The following CRISPLD2 variants were observed in gnomAD, a reference collection of about 807,000 sequenced individuals.
CRISPLD2 encodes cysteine-rich secretory protein LCCL domain-containing 2.
In CRISPLD2, 47 loss-of-function variants were observed where a neutral mutation model predicts 71.1. That is an observed-to-expected ratio of 0.66 (90% CI 0.52 to 0.84). The LOEUF (loss-of-function observed/expected upper bound fraction) is 0.84. Ranked by LOEUF, CRISPLD2 falls within the 40% of genes least tolerant of loss-of-function variation. The pLI, the probability that CRISPLD2 is intolerant of heterozygous loss-of-function variation, is 0.00. For synonymous variants in CRISPLD2, 317 were observed against 250.1 expected, an observed-to-expected ratio of 1.27 and a Z score of -2.52; for missense variants, 830 against 651.1, an observed-to-expected ratio of 1.27 and a Z score of -2.99.
intron 6 of CRISPLD2, among the ~76,000 whole-genome samples, chr16:84,855,606 TC>T (rs1225970879): frequency 6.6e-6 from 1 of 152,162 alleles, no homozygotes; most frequent in East Asian, 1.9e-4. Flanking sequence ...AATGTTAATC[TC>T]CTTTGGCAAC....
chr16:84,873,859 T>C, intron 10 of CRISPLD2, 61 bp from the exon 11 acceptor site: 1 of 1,470,922 alleles, frequency 6.8e-7, no homozygotes, highest in Non-Finnish European at 9.3e-7. Context: ...CGTTCACTTT[T>C]AGAAGCAATT....
chr16:84,854,931 C>A, intron 6 of CRISPLD2, 102 bp downstream of exon 6: 2 of 911,624 alleles, frequency 2.2e-6, no homozygotes, highest in Non-Finnish European at 3.6e-6. Flanking sequence ...TCAGTCACCC[C>A]TCCTGGCCCT....
rs901197383 is a variant in CRISPLD2 at position 84,904,607 on chromosome 16, TAAAA to T, written c.1440-1974_1440-1971del. On this transcript the variant is annotated intron_variant, in intron 14 of 14. Coordinates refer to ENST00000262424, the MANE Select transcript of CRISPLD2 (RefSeq NM_031476.4). ...TCAAAAAAAGGTAAAAAAAAAAATT[TAAAA>T]AAAAAATTAAAAAAAAAAATGATTG... Among the ~76,000 whole-genome samples the T allele has an allele frequency of 8.9e-3, 1,252 of 140,028 alleles. 13 individuals are homozygous for T. The highest frequency in any genetic ancestry group is 0.031 in the African/African-American group (1,141 of 36,252). The allele number at this position is 140,028 out of a possible 152,430, so 91.9% of individuals were successfully genotyped here. A position where few individuals can be genotyped will look rare whatever the true frequency, so the allele number is the denominator to read the frequency against.
chr16:84,846,120 T>G (rs576353640), intron 3 of CRISPLD2: 1 of 419,466 alleles, frequency 2.4e-6, no homozygotes, highest in African/African-American at 2.1e-5. Flanking sequence ...CAGACACTGA[T>G]GATTGATTAA....
intron 6 of CRISPLD2, among the ~76,000 whole-genome samples, chr16:84,865,241 C>T (rs1048862137): frequency 1.3e-4 from 19 of 151,936 alleles, no homozygotes; most frequent in African/African-American, 4.6e-4. Flanking sequence ...CTGCAACCTC[C>T]ACCTCCCAGG....
chr16:84,876,087 C>G (rs946563953), intron 11 of CRISPLD2, among the ~76,000 whole-genome samples: 2 of 152,214 alleles, frequency 1.3e-5, no homozygotes, highest in African/African-American at 4.8e-5. Flanking sequence ...TATTGGAACA[C>G]AGTTACACCT....
At chr16:84,858,155 C>G (rs1296179979) in intron 6 of CRISPLD2, among the ~76,000 whole-genome samples, 1 of 152,222 alleles carries the variant, frequency 6.6e-6, no homozygotes, top group Non-Finnish European at 1.5e-5. Flanking sequence ...AGGCTCCAAA[C>G]AGCATCCCTA....
At chr16:84,882,073 C>G (rs2071573119) in intron 13 of CRISPLD2, among the ~76,000 whole-genome samples, 1 of 151,986 alleles carries the variant, frequency 6.6e-6, no homozygotes, top group South Asian at 2.1e-4. Context: ...GATTATTACA[C>G]CAAATGTTTG....
chr16:84,837,660 G>A (rs1244788491), intron 1 of CRISPLD2, among the ~76,000 whole-genome samples: 9 of 152,012 alleles, frequency 5.9e-5, no homozygotes, highest in East Asian at 1.9e-4. Flanking sequence ...CTTGTGATCC[G>A]CCCGCCTCGG....
chr16:84,868,581 T>C (rs1233216401), intron 7 of CRISPLD2, among the ~76,000 whole-genome samples: 1 of 152,066 alleles, frequency 6.6e-6, no homozygotes, highest in Non-Finnish European at 1.5e-5. Flanking sequence ...CCCTTGGAGG[T>C]GGGTACTGTC....
intron 1 of CRISPLD2, among the ~76,000 whole-genome samples, chr16:84,820,814 C>G (rs1310183248): frequency 6.6e-6 from 1 of 152,124 alleles, no homozygotes; most frequent in African/African-American, 2.4e-5. Context: ...TTAGCCAGAG[C>G]GGGCACCTGC....
chr16:84,857,599 T>C (rs1213563683), intron 6 of CRISPLD2, among the ~76,000 whole-genome samples: 7 of 152,296 alleles, frequency 4.6e-5, no homozygotes, highest in African/African-American at 1.7e-4. Context: ...ACTGGGAAGA[T>C]TTCCCTTCAC....
chr16:84,837,540 C>T (rs13380574), intron 1 of CRISPLD2, among the ~76,000 whole-genome samples: 4,237 of 152,212 alleles, frequency 0.028, 195 homozygotes, highest in African/African-American at 0.097. Flanking sequence ...CCTCAGCCTC[C>T]CAAGTAGCTG....
chr16:84,905,878 T>A (rs974446892), intron 14 of CRISPLD2, among the ~76,000 whole-genome samples: 2 of 151,640 alleles, frequency 1.3e-5, no homozygotes, highest in African/African-American at 4.9e-5. Flanking sequence ...TCCGGCTAAT[T>A]TTTGTATTTT....
chr16:84,838,310 T>C (rs1336409085), intron 1 of CRISPLD2, 112 bp from the exon 2 acceptor site: 2 of 689,536 alleles, frequency 2.9e-6, no homozygotes, highest in African/African-American at 3.6e-5. Context: ...GGCCTCAGTT[T>C]CCGCATCTGT....
At position 84,877,425 on chromosome 16, in the gene CRISPLD2, C is replaced by G. The variant is rs373073905; in HGVS notation, c.1157-13C>G. 2.8e-5 allele frequency: 45 copies of G among 1,612,922 alleles called. No individual in the cohort carries two copies. The African/African-American group carries it at 5.3e-4, about 19-fold the overall frequency. On this transcript the variant is annotated splice_polypyrimidine_tract_variant and intron_variant, in intron 11 of 14. Transcript: ENST00000262424. Reference sequence around the variant, plus strand: ...CTGGGACCTGACCCTTTCCCCCTTGCTCCTGTTCACAGTGCAGGATTTGGA... The same window carrying G: ...CTGGGACCTGACCCTTTCCCCCTTGGTCCTGTTCACAGTGCAGGATTTGGA...
At chr16:84,867,491 G>A (rs1248390810) in intron 7 of CRISPLD2, among the ~76,000 whole-genome samples, 2 of 152,178 alleles carry the variant, frequency 1.3e-5, no homozygotes, top group African/African-American at 2.4e-5. Context: ...AAGGTTGCCC[G>A]GAGGATGAGC....
In CRISPLD2 at chr16:84,873,922, A is replaced by G. The variant is rs772271835; in HGVS notation, c.1115A>G (p.Lys372Arg). 1.2e-5 allele frequency: 19 copies of G among 1,587,564 alleles called. No homozygotes were observed. Among genetic ancestry groups the G allele is most frequent in the Non-Finnish European group, 1.5e-5 (18 of 1,172,448 alleles). ...SERHGVQSLS[K>R]YKPSSSFMVS... ...TTTTTTTTTTTTTTTTTAAACAGCA[A>G]ATACAAACCTTCCAGCTCATTCATG... The change falls in exon 11 of 15, where the codon AAA becomes AGA. Residue 372 changes from lysine to arginine, a missense_variant and splice_region_variant. By Grantham distance (26) the Lys-to-Arg change is conservative (BLOSUM62 2). Transcript: ENST00000262424.
intron 14 of CRISPLD2, among the ~76,000 whole-genome samples, chr16:84,903,773 T>C (rs1247767119): frequency 6.6e-6 from 1 of 152,100 alleles, no homozygotes; most frequent in Admixed American, 6.5e-5. Context: ...CAAAAACAGC[T>C]GTTTCAGGAC....
Sources: gnomAD v4.1 joint callset for allele counts (sites outside exome capture counted in the v4.1 genomes callset) on GRCh38, gnomAD v4.1.1 for gene constraint, MANE v1.5 for transcripts, NCBI Gene and HGNC (gene_info 2026-07-23, HGNC 2026-07-21) for gene names.